The following CD164L2 variants were observed in gnomAD, a reference collection of about 807,000 sequenced individuals.
CD164L2 encodes the protein CD164 molecule like 2, also known as CD164 sialomucin-like 2 protein.
In CD164L2, 21 loss-of-function variants were observed where a neutral mutation model predicts 23.9. The observed-to-expected ratio is 0.88, with a 90% CI of 0.62 to 1.27. CD164L2 has a LOEUF of 1.27. CD164L2 is among the 50% of genes most tolerant of loss of function. CD164L2 has a pLI of 0.00. For synonymous variants in CD164L2, 92 were observed against 90.2 expected, an observed-to-expected ratio of 1.02 and a Z score of -0.11; for missense variants, 230 against 224.8, an observed-to-expected ratio of 1.02 and a Z score of -0.15.
At chr1:27,379,788 C>A (rs2016304708) in intron 5 of CD164L2, 1 of 1,434,182 alleles carries the variant, frequency 7.0e-7, no homozygotes, top group Non-Finnish European at 9.1e-7. Context: ...TCCCTGCTGG[C>A]AGCATGAAGG....
In CD164L2 at chr1:27,383,314, CTG is replaced by C. The variant is rs931423881; in HGVS notation, c.-77_-76del. 3.1e-6 allele frequency: 3 copies of C among 953,896 alleles called. No individual in the cohort carries two copies. Among genetic ancestry groups the C allele is most frequent in the Non-Finnish European group, 3.1e-6 (2 of 638,940 alleles). 59.1% of individuals were successfully genotyped at this position (953,896 alleles called of 1,614,324 possible). ...AGCTGCCGGGCGCGTCCCTCCCAGA[CTG>C]GGCTCGGCTGAGCGTGTGCGGAGCG... On this transcript the variant is annotated 5_prime_UTR_variant, in exon 1 of 6. Transcript: ENST00000374030.
intron 3 of CD164L2, 87 bp downstream of exon 3, chr1:27,382,241 C>G: frequency 6.2e-7 from 1 of 1,613,570 alleles, no homozygotes; most frequent in Middle Eastern, 1.7e-4. Context: ...CAAAATCCAC[C>G]GCCTGAGAGA....
rs758969820 is a variant in CD164L2, at chr1:27,383,253, G to C, written c.-14C>G. 2.0e-6 allele frequency: 3 copies of C among 1,507,766 alleles called. No homozygotes were observed. The highest frequency in any genetic ancestry group is 2.5e-5 in the East Asian group (1 of 40,538). The allele number at this position is 1,507,766 out of a possible 1,614,324, so 93.4% of individuals were successfully genotyped here. On this transcript the variant is annotated 5_prime_UTR_variant, in exon 1 of 6. Transcript: ENST00000374030. ...CGGAGCCTCCATGGGCTCGCGGGGT[G>C]GGGGTGGCCGGGGGCGGTGGCCGGG...
chr1:27,382,651 G>C lies in CD164L2; in HGVS notation c.105C>G (p.Gly35=), dbSNP rs560677978. 4 of 1,611,822 alleles carry C rather than the reference G, an allele frequency of 2.5e-6. No homozygotes were observed. In the East Asian group the frequency reaches 8.9e-5, roughly 36 times the overall value. ...GGCGGATCAGGGCTCCCCTCCCAAA[G>C]CCTCGAGCTCCTTTACCTGGTAGTG... ...QLAVAGKGAR[G]FGRGALIRLN... is the part of the protein sequence containing the mutation. Residue 35 remains glycine (G), a synonymous_variant, in exon 2 of 6, where the codon GGC becomes GGG. Coordinates refer to ENST00000374030, the MANE Select transcript of CD164L2 (RefSeq NM_001330448.1).
chr1:27,381,859 T>G, intron 3 of CD164L2, 35 bp from the exon 4 acceptor site: 1 of 1,612,816 alleles, frequency 6.2e-7, no homozygotes, highest in Non-Finnish European at 8.5e-7. Flanking sequence ...AAAGCAGCCT[T>G]CCCACCCCCT....
At chr1:27,382,435 G>C in intron 2 of CD164L2, 36 bp from the exon 3 acceptor site, 1 of 1,586,862 alleles carries the variant, frequency 6.3e-7, no homozygotes, top group Non-Finnish European at 8.6e-7. Context: ...GGTTTGGGGA[G>C]AGGGGCCAGG....
rs745645730 is a variant in CD164L2 at position 27,383,112 on chromosome 1, G to A, written c.88+40C>T. On this transcript the variant is annotated intron_variant, in intron 1 of 5. Coordinates refer to ENST00000374030, the MANE Select transcript of CD164L2 (RefSeq NM_001330448.1). ...GCTGGCTGAGGTGCAAGCTCCATCC[G>A]TCCCCGTCGAGCCCCTAGCCAGACC... The A allele has an allele frequency of 4.1e-6, 6 of 1,474,426 alleles. No individual in the cohort carries two copies. In the African/African-American group the frequency reaches 5.6e-5, roughly 14 times the overall value. The allele number at this position is 1,474,426 out of a possible 1,614,324, so 91.3% of individuals were successfully genotyped here.
rs2148076124 is a variant in CD164L2 at position 27,379,408 on chromosome 1, T to C, written c.*95A>G. On this transcript the variant is annotated 3_prime_UTR_variant, in exon 6 of 6. Transcript: ENST00000374030. ...AGCCAAAAACTGGCGGCCAGAGTTTTTCCCGCCCCCGCCCCCCGCTTACCC... is the reference window on the plus strand; with the variant it reads ...AGCCAAAAACTGGCGGCCAGAGTTTCTCCCGCCCCCGCCCCCCGCTTACCC... The C allele has an allele frequency of 8.8e-7, 1 of 1,135,718 alleles. No homozygotes were observed. Among genetic ancestry groups the C allele is most frequent in the Non-Finnish European group, 1.3e-6 (1 of 775,110 alleles). The allele number at this position is 1,135,718 out of a possible 1,614,324, so 70.4% of individuals were successfully genotyped here.
rs2016294438 is a variant in CD164L2 at position 27,379,310 on chromosome 1, A to G, written c.*193T>C. 6 of 619,490 alleles carry G rather than the reference A, an allele frequency of 9.7e-6. No individual in the cohort carries two copies. In the Admixed American group the frequency reaches 1.7e-4, roughly 17 times the overall value. 38.4% of individuals were successfully genotyped at this position (619,490 alleles called of 1,614,324 possible). On this transcript the variant is annotated 3_prime_UTR_variant, in exon 6 of 6. Transcript: ENST00000374030. ...GACGAGGTGGTTGAGGGATTTTCTC[A>G]GCTGCAGGTTCCAGGCCCAGGACAG...
At position 27,383,230 on chromosome 1, in the gene CD164L2, G is replaced by A; in HGVS notation, c.10C>T (p.Pro4Ser). The A allele has an allele frequency of 6.5e-7, 1 of 1,544,362 alleles. No homozygotes were observed. Among genetic ancestry groups the A allele is most frequent in the Non-Finnish European group, 8.7e-7 (1 of 1,146,190 alleles). ...GCAGTCCGCAAGGCGCGGGGTCCCGGAGCCTCCATGGGCTCGCGGGGTGGG... is the reference window on the plus strand; with the variant it reads ...GCAGTCCGCAAGGCGCGGGGTCCCGAAGCCTCCATGGGCTCGCGGGGTGGG... The part of the protein sequence containing the change: MEA[P>S]GPRALRTALC... The change falls in exon 1 of 6, where the codon CCG becomes TCG. Residue 4 changes from proline to serine, a missense_variant. Pro to Ser is a moderately conservative substitution (Grantham distance 74). Transcript: ENST00000374030.
At position 27,382,300 on chromosome 1, in the gene CD164L2, C is replaced by G. The variant is rs769277113; in HGVS notation, c.328+28G>C. ...GCTATGGCTGGGGAGACCCATGCAACTTGGCTTAGGTGCAAGAACCCCCTT... is the reference window on the plus strand; with the variant it reads ...GCTATGGCTGGGGAGACCCATGCAAGTTGGCTTAGGTGCAAGAACCCCCTT... On this transcript the variant is annotated intron_variant, in intron 3 of 5. Transcript: ENST00000374030. 8 of 1,614,132 alleles carry G rather than the reference C, an allele frequency of 5.0e-6. No homozygotes were observed. The Admixed American group carries it at 1.2e-4, about 24-fold the overall frequency.
Position 27,379,355 on chromosome 1 carries a change from GAC to G in CD164L2, c.*146_*147del. 1 of 704,506 alleles carries G rather than the reference GAC, an allele frequency of 1.4e-6. No individual in the cohort carries two copies. Among genetic ancestry groups the G allele is most frequent in the South Asian group, 1.7e-5 (1 of 60,490 alleles). The allele number at this position is 704,506 out of a possible 1,614,324, so 43.6% of individuals were successfully genotyped here. A position where few individuals can be genotyped will look rare whatever the true frequency, so the allele number is the denominator to read the frequency against. ...GGACAGGAGGAGATGTCAGGCATCA[GAC>G]ACTGAGCCTGCTTGGTGCCCGCAGG... On this transcript the variant is annotated 3_prime_UTR_variant, in exon 6 of 6. Coordinates refer to ENST00000374030, the MANE Select transcript of CD164L2 (RefSeq NM_001330448.1).
At position 27,382,636 on chromosome 1, in the gene CD164L2, G is replaced by A; in HGVS notation, c.120C>T (p.Ala40=). The A allele has an allele frequency of 6.2e-7, 1 of 1,612,646 alleles. No homozygotes were observed. Among genetic ancestry groups the A allele is most frequent in the Non-Finnish European group, 8.5e-7 (1 of 1,179,838 alleles). The change falls in exon 2 of 6, where the codon GCC becomes GCT. Residue 40 remains alanine (A), a synonymous_variant. Coordinates refer to ENST00000374030, the MANE Select transcript of CD164L2 (RefSeq NM_001330448.1). ...CCGGCCAGATATTCAGGCGGATCAG[G>A]GCTCCCCTCCCAAAGCCTCGAGCTC... ...GKGARGFGRG[A]LIRLNIWPAV...
chr1:27,380,053 C>A lies in CD164L2; in HGVS notation c.516G>T (p.Thr172=). The change falls in exon 5 of 6, where the codon ACG becomes ACT. Residue 172 remains threonine (T), a splice_region_variant and synonymous_variant. Transcript: ENST00000374030. ...FLKAKDSTYQ[T]LI is the part of the protein sequence containing the mutation. ...CTTGCTGCTGGCCAGGTACTCACAG[C>A]GTCTGGTAGGTGCTGTCCTTGGCCT... The A allele has an allele frequency of 2.5e-6, 4 of 1,613,486 alleles. No individual in the cohort carries two copies. The highest frequency in any genetic ancestry group is 1.1e-5 in the South Asian group (1 of 91,040).
Position 27,382,334 on chromosome 1 carries a change from A to G in CD164L2, c.322T>C (p.Cys108Arg). ...GCSIYNRSEA[C>R]PAAHHHPTYE... ...GGTGCAAGAACCCCCTTACCTGGAC[A>G]TGCCTCTGAGCGGTTGTAGATGGAG... The change falls in exon 3 of 6, where the codon TGT becomes CGT. Residue 108 changes from cysteine to arginine, a missense_variant. Cys to Arg is a radical substitution (Grantham distance 180). Transcript: ENST00000374030. 1 of 1,614,074 alleles carries G rather than the reference A, an allele frequency of 6.2e-7. No homozygotes were observed. Among genetic ancestry groups the G allele is most frequent in the Non-Finnish European group, 8.5e-7 (1 of 1,179,972 alleles).
chr1:27,380,108 G>A lies in CD164L2; in HGVS notation c.461C>T (p.Ala154Val), dbSNP rs571660185. ...GGVVLVLSLQ[A>V]VAFFVLHFLK... ...GAAGTGCAGCACAAAGAAAGCCACCGCCTGTAGGCTCAACACCAGCACGAC... is the reference window on the plus strand; with the variant it reads ...GAAGTGCAGCACAAAGAAAGCCACCACCTGTAGGCTCAACACCAGCACGAC... Residue 154 changes from alanine to valine, a missense_variant, in exon 5 of 6, where the codon GCG (alanine) becomes GTG (valine). Physicochemically the swap from Ala to Val is moderately conservative, Grantham distance 64. Transcript: ENST00000374030. The A allele has an allele frequency of 1.7e-5, 28 of 1,614,074 alleles. No individual in the cohort carries two copies. Among genetic ancestry groups the A allele is most frequent in the Non-Finnish European group, 2.1e-5 (25 of 1,179,954 alleles).
In CD164L2 at chr1:27,380,124, C is replaced by T; in HGVS notation, c.445G>A (p.Val149Met). 6.2e-7 allele frequency: 1 copy of T among 1,614,102 alleles called. No homozygotes were observed. Among genetic ancestry groups the T allele is most frequent in the Non-Finnish European group, 8.5e-7 (1 of 1,179,938 alleles). Residue 149 changes from valine (V) to methionine (M), a missense_variant, in exon 5 of 6, where the codon GTG (valine) becomes ATG (methionine). By Grantham distance (21) the Val-to-Met change is conservative. Coordinates refer to ENST00000374030, the MANE Select transcript of CD164L2 (RefSeq NM_001330448.1). ...AAAGCCACCGCCTGTAGGCTCAACA[C>T]CAGCACGACACCTCCGATAAAGCTG... ...GASFIGGVVL[V>M]LSLQAVAFFV...
rs749630215 is a variant in CD164L2, at chr1:27,382,514, C to G, written c.242G>C (p.Arg81Pro). The change falls in exon 2 of 6, where the codon CGG becomes CCG. Residue 81 changes from arginine (R) to proline (P), a missense_variant. Transcript: ENST00000374030. ...NLSSCVWEQCRPEEPGHCVAQ... is the reference protein window; with the variant it reads ...NLSSCVWEQCPPEEPGHCVAQ... ...CAGCTCCATACCTGGCTCCTCTGGC[C>G]GGCACTGCTCCCACACGCAGCTGGA... 6.2e-7 allele frequency: 1 copy of G among 1,606,840 alleles called. No individual in the cohort carries two copies.
Position 27,380,107 on chromosome 1 carries a change from C to G in CD164L2, c.462G>C (p.Ala154=), listed in dbSNP as rs184338267. ...GGAAGTGCAGCACAAAGAAAGCCAC[C>G]GCCTGTAGGCTCAACACCAGCACGA... ...GGVVLVLSLQ[A]VAFFVLHFLK... Residue 154 remains alanine, a synonymous_variant, in exon 5 of 6, where the codon GCG becomes GCC. Transcript: ENST00000374030. 3.1e-6 allele frequency: 5 copies of G among 1,614,074 alleles called. No homozygotes were observed. The highest frequency in any genetic ancestry group is 3.3e-5 in the Admixed American group (2 of 60,022).
Sources: gnomAD v4.1 joint callset for allele counts on GRCh38, gnomAD v4.1.1 for gene constraint, MANE v1.5 for transcripts, NCBI Gene and HGNC (gene_info 2026-07-23, HGNC 2026-07-21) for gene names.